Variants in IFT46 observed in about 807,000 individuals in gnomAD.
IFT46 encodes intraflagellar transport protein 46 homolog.
A neutral mutation model predicts 39.6 loss-of-function variants in IFT46; 19 were observed. The ratio of observed to expected loss-of-function variants is 0.48; its 90% CI spans 0.33 to 0.70. The LOEUF is 0.70. Among genes scored for constraint, IFT46 ranks in the 30% least tolerant of loss-of-function variants. The probability of loss-of-function intolerance (pLI) is 0.01; values close to 1 mark genes in which losing one functional copy is unlikely to be tolerated. For synonymous variants in IFT46, 117 were observed against 134.8 expected, an observed-to-expected ratio of 0.87 and a Z score of 0.91; for missense variants, 334 against 364.8, an observed-to-expected ratio of 0.92 and a Z score of 0.69.
In IFT46 at chr11:118,565,914, G is replaced by C. The variant is rs1244240823; in HGVS notation, c.-257C>G. ...ACGCCAAGCAACCAGCCTGTTGTCA[G>C]TCGCTAGGCAAAAAGATAAATTTTA... On this transcript the variant is annotated 5_prime_UTR_variant, in exon 1 of 12. Transcript: ENST00000264021. The C allele has an allele frequency of 5.9e-5, 9 of 152,562 alleles. No individual in the cohort carries two copies. 9.5% of individuals were successfully genotyped at this position (152,562 alleles called of 1,614,324 possible). A position where few individuals can be genotyped will look rare whatever the true frequency, so the allele number is the denominator to read the frequency against.
rs1937852176 is a variant in IFT46 at position 118,556,816 on chromosome 11, G to T, written c.185+90C>A. ...ATACAGGAGATCAAAAGAGATGCTG[G>T]AATTTCACTTCTAACTGACGTCCTC... On this transcript the variant is annotated intron_variant, in intron 4 of 11. Coordinates refer to ENST00000264021, the MANE Select transcript of IFT46 (RefSeq NM_001168618.2). 8 of 1,411,632 alleles carry T rather than the reference G, an allele frequency of 5.7e-6. No homozygotes were observed. The East Asian group carries it at 1.7e-4, about 30-fold the overall frequency. The allele number at this position is 1,411,632 out of a possible 1,614,324, so 87.4% of individuals were successfully genotyped here.
At chr11:118,561,219 A>G in intron 2 of IFT46, 1 of 1,379,490 alleles carries the variant, frequency 7.2e-7, no homozygotes. Context: ...CACAGTACCA[A>G]ACGATTCCCT....
At chr11:118,557,080 A>G (rs1555069686) in intron 3 of IFT46, 35 bp from the exon 4 acceptor site, 10 of 1,530,400 alleles carry the variant, frequency 6.5e-6, no homozygotes, top group South Asian at 1.3e-5. Context: ...GAAAGCTTCA[A>G]GTAAAAAAAT....
At chr11:118,576,893 C>G (rs1170288970), upstream of IFT46, among the ~76,000 whole-genome samples, 3 of 152,118 alleles carry the variant, frequency 2.0e-5, no homozygotes, top group Non-Finnish European at 4.4e-5. Context: ...TACTGAAAGC[C>G]TGGAATTCTG....
rs1555068678 is a variant in IFT46, at chr11:118,552,340, G to A, written c.484-5C>T. 1 of 1,613,856 alleles carries A rather than the reference G, an allele frequency of 6.2e-7. No individual in the cohort carries two copies. Among genetic ancestry groups the A allele is most frequent in the South Asian group, 1.1e-5 (1 of 91,062 alleles). ...GCTTTTTACTTTCATATGTTGCTAG[G>A]AAAGTAAGGAGAAAGCCTAGCTGAT... On this transcript the variant is annotated splice_polypyrimidine_tract_variant and splice_region_variant and intron_variant, in intron 7 of 11. Transcript: ENST00000264021.
At chr11:118,576,426 T>A (rs1341056518), upstream of IFT46, among the ~76,000 whole-genome samples, 13 of 108,776 alleles carry the variant, frequency 1.2e-4, no homozygotes, top group East Asian at 2.8e-4. Context: ...CCAAAAATGT[T>A]AAAAAAAAAA....
intron 2 of IFT46, chr11:118,560,247 CAAA>C (rs1166824002): frequency 9.3e-5 from 12 of 128,804 alleles, no homozygotes; most frequent in South Asian, 2.1e-4. Context: ...ATCCCATCTA[CAAA>C]AAAAAAAAAA....
At chr11:118,545,118 T>C in intron 11 of IFT46, 107 bp from the exon 12 acceptor site, 1 of 883,246 alleles carries the variant, frequency 1.1e-6, no homozygotes, top group Non-Finnish European at 1.8e-6. Context: ...TCCTTCCTGC[T>C]TCCATTCATG....
At chr11:118,554,437 C>T (rs1555069017) in intron 7 of IFT46, 22 bp downstream of exon 7, 1 of 1,582,266 alleles carries the variant, frequency 6.3e-7, no homozygotes, top group Non-Finnish European at 8.6e-7. Context: ...CAGCTGGGGC[C>T]TATACTAAGC....
upstream of IFT46, among the ~76,000 whole-genome samples, chr11:118,567,694 G>T (rs1555071749): frequency 6.6e-6 from 1 of 152,128 alleles, no homozygotes; most frequent in Non-Finnish European, 1.5e-5. Context: ...AGCTTTTCTG[G>T]CATACTGATA....
At chr11:118,549,202 TTTTTC>T (rs1335546325) in intron 9 of IFT46, among the ~76,000 whole-genome samples, 1 of 149,068 alleles carries the variant, frequency 6.7e-6, no homozygotes, top group African/African-American at 2.5e-5. Context: ...TCCAGCTCCT[TTTTTC>T]TTTTCTTTTT....
At chr11:118,573,880 T>C (rs181224029), upstream of IFT46, 87 of 485,920 alleles carry the variant, frequency 1.8e-4, 1 homozygote, top group Admixed American at 2.6e-3. Flanking sequence ...CAGGAGGTTC[T>C]GTATTTGGTT....
chr11:118,561,577 C>A, intron 2 of IFT46: 2 of 610,260 alleles, frequency 3.3e-6, no homozygotes, highest in South Asian at 1.8e-5. Flanking sequence ...CTGCTGAGAG[C>A]TAAACCAAAC....
In IFT46 at chr11:118,544,855, G is replaced by T; in HGVS notation, c.*61C>A. On this transcript the variant is annotated 3_prime_UTR_variant, in exon 12 of 12. Transcript: ENST00000264021. ...GACATCAAGTAGCTGACAACGATCT[G>T]TCCATCTCAGCTGGGGCAGAGGGGC... 1 of 1,192,298 alleles carries T rather than the reference G, an allele frequency of 8.4e-7. No individual in the cohort carries two copies. Among genetic ancestry groups the T allele is most frequent in the Middle Eastern group, 2.1e-4 (1 of 4,656 alleles). The allele number at this position is 1,192,298 out of a possible 1,614,324, so 73.9% of individuals were successfully genotyped here. A position where few individuals can be genotyped will look rare whatever the true frequency, so the allele number is the denominator to read the frequency against.
chr11:118,545,629 T>TCATATAAGCCAAACC lies in IFT46; in HGVS notation c.734-136_734-135insGGTTTGGCTTATATG, dbSNP rs1951662108. On this transcript the variant is annotated intron_variant, in intron 10 of 11. Transcript: ENST00000264021. The stretch of plus-strand genomic sequence containing the variant: ...TGGGGGTTAAATACCCAGCAGGTAG[T>TCATATAAGCCAAACC]CACATAAGCCAAACACCACCTTTGA... 3 of 1,061,916 alleles carry TCATATAAGCCAAACC rather than the reference T, an allele frequency of 2.8e-6. No individual in the cohort carries two copies. In the South Asian group the frequency reaches 4.1e-5, roughly 15 times the overall value. The allele number at this position is 1,061,916 out of a possible 1,614,324, so 65.8% of individuals were successfully genotyped here. A position where few individuals can be genotyped will look rare whatever the true frequency, so the allele number is the denominator to read the frequency against.
intron 3 of IFT46, chr11:118,557,299 T>C: frequency 2.3e-6 from 1 of 428,868 alleles, no homozygotes; most frequent in Middle Eastern, 6.1e-4. Flanking sequence ...TTTTATCTAT[T>C]GTACATATTA....
upstream of IFT46, among the ~76,000 whole-genome samples, chr11:118,573,174 TG>T (rs1555072785): frequency 6.6e-6 from 1 of 152,232 alleles, no homozygotes; most frequent in Non-Finnish European, 1.5e-5. Flanking sequence ...TGTGTCCATT[TG>T]TTAGTGTGAC....
intron 3 of IFT46, among the ~76,000 whole-genome samples, chr11:118,558,601 A>C (rs1937921719): frequency 6.6e-6 from 1 of 151,766 alleles, no homozygotes. Context: ...CTGTCTCAAA[A>C]CAAAAACAAA....
intron 1 of IFT46, among the ~76,000 whole-genome samples, chr11:118,571,122 C>T (rs1938327251): frequency 1.3e-5 from 2 of 151,994 alleles, no homozygotes; most frequent in Non-Finnish European, 2.9e-5. Context: ...CTTCCTGAGC[C>T]CCTGGAAATC....
Sources: allele counts gnomAD v4.1 joint callset (sites outside exome capture counted in the v4.1 genomes callset), GRCh38; gene constraint gnomAD v4.1.1; transcripts MANE v1.5; gene names NCBI Gene and HGNC (gene_info 2026-07-23, HGNC 2026-07-21).